The following ASTN2 variants were observed in gnomAD, a reference collection of about 807,000 sequenced individuals.
ASTN2 encodes astrotactin 2.
Under a neutral mutation model 139.8 loss-of-function variants are expected in ASTN2, and 54 were observed. That is an observed-to-expected ratio of 0.39 (90% confidence interval 0.31 to 0.48). ASTN2 has a LOEUF of 0.48. ASTN2 is among the 20% of genes least tolerant of loss of function. The pLI is 0.95. For synonymous variants in ASTN2, 756 were observed against 719.5 expected, an observed-to-expected ratio of 1.05 and a Z score of -0.81; for missense variants, 1,565 against 1,725.1, an observed-to-expected ratio of 0.91 and a Z score of 1.64.
At chr9:116,791,464 T>C (rs1257202798) in intron 13 of ASTN2, among the ~76,000 whole-genome samples, 1 of 152,190 alleles carries the variant, frequency 6.6e-6, no homozygotes, top group East Asian at 1.9e-4. Flanking sequence ...GCTCATACCT[T>C]AGAAGTGTTT....
At chr9:117,341,391 C>G (rs1415683392) in intron 1 of ASTN2, among the ~76,000 whole-genome samples, 1 of 152,118 alleles carries the variant, frequency 6.6e-6, no homozygotes. Context: ...TAGACAGACA[C>G]AGCCTCTAAG....
intron 7 of ASTN2, among the ~76,000 whole-genome samples, chr9:116,998,849 T>C (rs555967233): frequency 1.3e-5 from 2 of 152,176 alleles, no homozygotes; most frequent in Non-Finnish European, 2.9e-5. Flanking sequence ...ACCACTTCCT[T>C]CAAAACAGGG....
chr9:117,299,509 G>A (rs1284439264), intron 1 of ASTN2, among the ~76,000 whole-genome samples: 2 of 152,214 alleles, frequency 1.3e-5, no homozygotes, highest in Non-Finnish European at 2.9e-5. Flanking sequence ...TGTGTGGCAA[G>A]AGGGCACTTC....
At chr9:116,837,629 A>C (rs1832045919) in intron 11 of ASTN2, among the ~76,000 whole-genome samples, 1 of 152,168 alleles carries the variant, frequency 6.6e-6, no homozygotes, top group African/African-American at 2.4e-5. Context: ...CTGAGTACAA[A>C]ATTTGTAATG....
At chr9:117,227,100 T>G (rs7861034) in intron 2 of ASTN2, among the ~76,000 whole-genome samples, 84,104 of 151,722 alleles carry the variant, frequency 0.55, 24,274 homozygotes, top group East Asian at 0.86. Flanking sequence ...TTAGAAATCA[T>G]GGGTGGGGGT....
intron 1 of ASTN2, among the ~76,000 whole-genome samples, chr9:117,390,069 G>A (rs1830503591): frequency 1.3e-5 from 2 of 152,180 alleles, no homozygotes; most frequent in African/African-American, 2.4e-5. Context: ...AAGCCACTGG[G>A]AGAGATTACA....
At chr9:116,906,236 T>C (rs937719537) in intron 10 of ASTN2, among the ~76,000 whole-genome samples, 5 of 152,152 alleles carry the variant, frequency 3.3e-5, no homozygotes, top group African/African-American at 1.2e-4. Flanking sequence ...AAAGAGTGGA[T>C]GGTGTGCAAG....
chr9:116,838,696 A>G (rs1240088563), intron 11 of ASTN2, among the ~76,000 whole-genome samples: 2 of 151,194 alleles, frequency 1.3e-5, no homozygotes, highest in Non-Finnish European at 2.9e-5. Flanking sequence ...AAGTGATAGG[A>G]TTATGATTAC....
intron 10 of ASTN2, among the ~76,000 whole-genome samples, chr9:116,958,916 C>T (rs1835798135): frequency 6.6e-6 from 1 of 152,128 alleles, no homozygotes; most frequent in African/African-American, 2.4e-5. Context: ...AATGATATAA[C>T]AATTTTTGTG....
At chr9:116,759,659 G>A (rs764288039) in intron 13 of ASTN2, among the ~76,000 whole-genome samples, 4 of 152,134 alleles carry the variant, frequency 2.6e-5, no homozygotes, top group African/African-American at 4.8e-5. Flanking sequence ...GAAGCCTGAC[G>A]TGATCACTGT....
chr9:116,984,700 T>C (rs371742705), intron 7 of ASTN2, among the ~76,000 whole-genome samples: 1 of 152,196 alleles, frequency 6.6e-6, no homozygotes, highest in Non-Finnish European at 1.5e-5. Context: ...ATGAGATAAT[T>C]TGGGCACTGT....
chr9:117,071,090 T>A (rs1396377787), intron 5 of ASTN2, among the ~76,000 whole-genome samples: 1 of 148,340 alleles, frequency 6.7e-6, no homozygotes, highest in East Asian at 2.0e-4. Flanking sequence ...GGCGCTCTGA[T>A]TTTTAGAGCT....
At chr9:116,763,562 G>T (rs1187172010) in intron 13 of ASTN2, among the ~76,000 whole-genome samples, 1 of 152,136 alleles carries the variant, frequency 6.6e-6, no homozygotes, top group African/African-American at 2.4e-5. Flanking sequence ...AGGGTGATAT[G>T]CTGGGAGAAA....
At chr9:116,767,604 T>A (rs1199925617) in intron 13 of ASTN2, among the ~76,000 whole-genome samples, 1 of 152,214 alleles carries the variant, frequency 6.6e-6, no homozygotes, top group African/African-American at 2.4e-5. Context: ...AGACGGAGAC[T>A]ACAGGCCTTC....
At chr9:116,752,583 GAA>G (rs1829428268) in intron 13 of ASTN2, among the ~76,000 whole-genome samples, 1 of 152,138 alleles carries the variant, frequency 6.6e-6, no homozygotes, top group Non-Finnish European at 1.5e-5. Context: ...TTAAGAGAAT[GAA>G]AAGACACGCT....
At chr9:116,952,559 T>C (rs1835592156) in intron 10 of ASTN2, among the ~76,000 whole-genome samples, 1 of 152,218 alleles carries the variant, frequency 6.6e-6, no homozygotes, top group Non-Finnish European at 1.5e-5. Flanking sequence ...GCACAGGCTG[T>C]GAGGCCTCAG....
At chr9:117,025,400 C>T (rs1206639282) in intron 6 of ASTN2, among the ~76,000 whole-genome samples, 1 of 152,170 alleles carries the variant, frequency 6.6e-6, no homozygotes, top group East Asian at 1.9e-4. Flanking sequence ...ATTGATTCCA[C>T]ATTTCAAGTG....
At chr9:117,009,527 A>G (rs1400349652) in intron 6 of ASTN2, among the ~76,000 whole-genome samples, 1 of 152,162 alleles carries the variant, frequency 6.6e-6, no homozygotes. Context: ...CACAGGGGGA[A>G]AAATATGTAC....
At chr9:117,347,413 A>C (rs1333334126) in intron 1 of ASTN2, among the ~76,000 whole-genome samples, 1 of 152,008 alleles carries the variant, frequency 6.6e-6, no homozygotes, top group African/African-American at 2.4e-5. Context: ...CTGTGCATAC[A>C]ATATGCTAGA....
Sources: gnomAD v4.1 joint callset for allele counts (sites outside exome capture counted in the v4.1 genomes callset) on GRCh38, gnomAD v4.1.1 for gene constraint, MANE v1.5 for transcripts, NCBI Gene and HGNC (gene_info 2026-07-23, HGNC 2026-07-21) for gene names.